HDHD5: variants seen among roughly 807,000 people sequenced by gnomAD.
The protein encoded by HDHD5 is haloacid dehalogenase-like hydrolase domain-containing 5.
Under a neutral mutation model 35.5 loss-of-function variants are expected in HDHD5, and 34 were observed. That is an observed-to-expected ratio of 0.96 (90% CI 0.73 to 1.28). The LOEUF (loss-of-function observed/expected upper bound fraction) is 1.28. Among genes scored for constraint, HDHD5 ranks in the 50% most tolerant of loss-of-function variants. The pLI, the probability that HDHD5 is intolerant of heterozygous loss-of-function variation, is 0.00. For missense variants in HDHD5, 589 were observed against 560.2 expected (o/e 1.05, Z -0.52); for synonymous variants, 248 against 240.6 (o/e 1.03, Z -0.29).
intron 1 of HDHD5, among the ~76,000 whole-genome samples, chr22:17,157,909 A>G (rs1013578354): frequency 6.6e-6 from 1 of 152,216 alleles, no homozygotes; most frequent in Non-Finnish European, 1.5e-5. Context: ...TGCTCCATCT[A>G]TAAAATGGGA....
In HDHD5 at chr22:17,145,046, A is replaced by C; in HGVS notation, c.515T>G (p.Leu172Arg). The C allele has an allele frequency of 6.2e-7, 1 of 1,613,992 alleles. No homozygotes were observed. The highest frequency in any genetic ancestry group is 1.1e-5 in the South Asian group (1 of 91,068). Residue 172 changes from leucine to arginine, a missense_variant, in exon 4 of 8, where the codon CTG becomes CGG. Physicochemically the swap from Leu to Arg is moderately radical, Grantham distance 102. Coordinates refer to ENST00000336737, the MANE Select transcript of HDHD5 (RefSeq NM_033070.3). Reference protein sequence around the residue: ...MAFPLLDMVDLERRLKTTPLP... With the variant: ...MAFPLLDMVDRERRLKTTPLP... ...TACCGTGGTCTTTAGCCGCCGCTCC[A>C]GGTCCACCATGTCAAGCAGAGGAAA...
At chr22:17,165,006 GTCTC>G (rs775696914) in intron 1 of HDHD5, among the ~76,000 whole-genome samples, 5 of 152,098 alleles carry the variant, frequency 3.3e-5, no homozygotes, top group South Asian at 4.1e-4. Flanking sequence ...ACTGCTCACT[GTCTC>G]TCTCTCTTTC....
chr22:17,159,371 G>A (rs1479709835), upstream of HDHD5: 8 of 1,160,434 alleles, frequency 6.9e-6, no homozygotes, highest in African/African-American at 6.6e-5. Flanking sequence ...TCCTGTAAGC[G>A]CGCGGAGCCC....
intron 1 of HDHD5, 99 bp from the exon 2 acceptor site, chr22:17,149,844 G>C: frequency 3.1e-6 from 3 of 974,018 alleles, no homozygotes; most frequent in African/African-American, 1.6e-5. Context: ...CATGTCCCTT[G>C]AAAACCTATG....
Position 17,137,811 on chromosome 22 carries a change from A to G in HDHD5, c.*210T>C. The G allele has an allele frequency of 1.8e-6, 1 of 557,212 alleles. No individual in the cohort carries two copies. Among genetic ancestry groups the G allele is most frequent in the Non-Finnish European group, 3.2e-6 (1 of 313,168 alleles). The allele number at this position is 557,212 out of a possible 1,614,324, so 34.5% of individuals were successfully genotyped here. ...AGGCACGTGGGAACTGGGCCCAGAA[A>G]ATTCCAACCGTTCCATACAAAATGC... On this transcript the variant is annotated 3_prime_UTR_variant, in exon 8 of 8. Transcript: ENST00000336737.
At chr22:17,159,389 G>C (rs1402980159), upstream of HDHD5, 1 of 1,037,960 alleles carries the variant, frequency 9.6e-7, no homozygotes, top group East Asian at 6.2e-5. Flanking sequence ...CCCGTCGGGC[G>C]CCTATGGAAC....
In HDHD5 at chr22:17,159,233, C is replaced by G. The variant is rs1178955022; in HGVS notation, c.19G>C (p.Val7Leu). 7 of 1,246,354 alleles carry G rather than the reference C, an allele frequency of 5.6e-6. No individual in the cohort carries two copies. Among genetic ancestry groups the G allele is most frequent in the Non-Finnish European group, 7.0e-6 (7 of 993,704 alleles). The allele number at this position is 1,246,354 out of a possible 1,614,324, so 77.2% of individuals were successfully genotyped here. A position where few individuals can be genotyped will look rare whatever the true frequency, so the allele number is the denominator to read the frequency against. MAAWGC[V>L]AALGAARGLC... is the part of the protein sequence containing the mutation. The stretch of plus-strand genomic sequence containing the variant: ...CCACGCGCCGCGCCGAGCGCAGCCA[C>G]ACAGCCCCACGCAGCCATCCGGCCG... The change falls in exon 1 of 8, where the codon GTG (valine) becomes CTG (leucine). Residue 7 changes from valine (V) to leucine (L), a missense_variant. Transcript: ENST00000336737.
At chr22:17,138,848 G>A in intron 6 of HDHD5, 110 bp from the exon 7 acceptor site, 2 of 1,209,648 alleles carry the variant, frequency 1.7e-6, no homozygotes, top group Non-Finnish European at 2.4e-6. Context: ...CTTTTCCCCA[G>A]GGTAAGAGCT....
At chr22:17,149,836 T>G in intron 1 of HDHD5, 91 bp from the exon 2 acceptor site, 1 of 1,116,688 alleles carries the variant, frequency 9.0e-7, no homozygotes, top group Non-Finnish European at 1.3e-6. Flanking sequence ...GGGTCACTCA[T>G]GTCCCTTGAA....
chr22:17,141,230 AC>A lies in HDHD5; in HGVS notation c.574del (p.Val192CysfsTer4). On this transcript the variant is annotated frameshift_variant and splice_region_variant, in exon 6 of 8. Coordinates refer to ENST00000336737, the MANE Select transcript of HDHD5 (RefSeq NM_033070.3). LOFTEE classifies it high-confidence loss of function. ...GCGGACCGGCTCCCCTAGGAGGAGC[AC>A]CCCTTTAAAGAACAGAGGCGCAGGT... ...PRNDFPRIEGVLLLGEPVRWE... is the reference protein window; with the variant it reads ...PRNDFPRIEGXLLLGEPVRWE... 1 of 1,589,770 alleles carries A rather than the reference AC, an allele frequency of 6.3e-7. No homozygotes were observed. The highest frequency in any genetic ancestry group is 8.5e-7 in the Non-Finnish European group (1 of 1,169,982).
chr22:17,163,794 G>C (rs2123888013), upstream of HDHD5, among the ~76,000 whole-genome samples: 1 of 152,344 alleles, frequency 6.6e-6, no homozygotes, highest in South Asian at 2.1e-4. Context: ...ACTGTGGGAA[G>C]TTCCGGCCTC....
rs1419321664 is a variant in HDHD5, at chr22:17,138,498, G to A, written c.935+52C>T. ...AAATGGGGGTGAGAGTAGAGGAGGAGGGAGAGAAGGGGATGTCATAAAAGG... is the reference window on the plus strand; with the variant it reads ...AAATGGGGGTGAGAGTAGAGGAGGAAGGAGAGAAGGGGATGTCATAAAAGG... On this transcript the variant is annotated intron_variant, in intron 7 of 7. Transcript: ENST00000336737. 5.6e-5 allele frequency: 88 copies of A among 1,577,878 alleles called. No individual in the cohort carries two copies. In the Middle Eastern group the frequency reaches 1.7e-3, roughly 31 times the overall value.
At chr22:17,153,664 C>A (rs1429277574) in intron 1 of HDHD5, among the ~76,000 whole-genome samples, 2 of 152,122 alleles carry the variant, frequency 1.3e-5, no homozygotes, top group African/African-American at 4.8e-5. Flanking sequence ...TTTTCTTATT[C>A]TTCTCAAGGA....
chr22:17,139,369 A>G (rs2061573168), intron 6 of HDHD5, among the ~76,000 whole-genome samples: 1 of 152,032 alleles, frequency 6.6e-6, no homozygotes, highest in African/African-American at 2.4e-5. Flanking sequence ...CTCTACCAAA[A>G]ATGCAAAAAT....
Position 17,141,039 on chromosome 22 carries a change from T to G in HDHD5, c.746+20A>C. 6.4e-7 allele frequency: 1 copy of G among 1,561,616 alleles called. No individual in the cohort carries two copies. The highest frequency in any genetic ancestry group is 8.6e-7 in the Non-Finnish European group (1 of 1,157,374). ...CAGGAATAGACCACCAGGCCAAGGCTGGGAGCTTTGTGTCCTCACCTGGGC... is the reference window on the plus strand; with the variant it reads ...CAGGAATAGACCACCAGGCCAAGGCGGGGAGCTTTGTGTCCTCACCTGGGC... On this transcript the variant is annotated intron_variant, in intron 6 of 7. Transcript: ENST00000336737.
upstream of HDHD5, chr22:17,159,312 C>T: frequency 8.2e-7 from 1 of 1,217,044 alleles, no homozygotes; most frequent in Non-Finnish European, 1.0e-6. Flanking sequence ...AGTCCGTCCG[C>T]TGCACAGCCA....
chr22:17,148,347 C>G (rs2061688269), intron 3 of HDHD5, 101 bp downstream of exon 3: 3 of 944,420 alleles, frequency 3.2e-6, no homozygotes, highest in Non-Finnish European at 3.4e-6. Context: ...CCTGTGTACC[C>G]CAGCACCCAG....
At chr22:17,143,417 T>C (rs1287519114) in intron 4 of HDHD5, 3 of 360,774 alleles carry the variant, frequency 8.3e-6, no homozygotes, top group Non-Finnish European at 1.5e-5. Context: ...GGACACAAGA[T>C]ATAGCCAAGC....
rs372710015 is a variant in HDHD5 at position 17,145,117 on chromosome 22, T to G, written c.444A>C (p.Gly148=). Residue 148 remains glycine, a splice_region_variant and synonymous_variant, in exon 4 of 8, where the codon GGA becomes GGC. Coordinates refer to ENST00000336737, the MANE Select transcript of HDHD5 (RefSeq NM_033070.3). The part of the protein sequence containing the change: ...GQGPVMENAQ[G]LGFRNVVTVD... Reference sequence around the variant, plus strand: ...CGGTGACGACATTTCGGAAGCCCAGTCTGGAGCAAGCTCAGGAAGTAATGC... The same window carrying G: ...CGGTGACGACATTTCGGAAGCCCAGGCTGGAGCAAGCTCAGGAAGTAATGC... The G allele has an allele frequency of 6.2e-7, 1 of 1,614,052 alleles. No individual in the cohort carries two copies. Among genetic ancestry groups the G allele is most frequent in the Non-Finnish European group, 8.5e-7 (1 of 1,179,998 alleles).
Sources: gnomAD v4.1 joint callset for allele counts (sites outside exome capture counted in the v4.1 genomes callset) on GRCh38, gnomAD v4.1.1 for gene constraint, MANE v1.5 for transcripts, NCBI Gene and HGNC (gene_info 2026-07-23, HGNC 2026-07-21) for gene names.